The following UBE2W variants were observed in gnomAD, a reference collection of about 807,000 sequenced individuals.
UBE2W encodes the protein ubiquitin-conjugating enzyme E2 W.
Under a neutral mutation model 27.2 loss-of-function variants are expected in UBE2W, and 18 were observed. The observed-to-expected ratio is 0.66, with a 90% CI of 0.46 to 0.98. The LOEUF (loss-of-function observed/expected upper bound fraction) is 0.98. Among genes scored for constraint, UBE2W ranks in the 50% least tolerant of loss-of-function variants. The probability of loss-of-function intolerance (pLI) is 0.00; values close to 1 mark genes in which losing one functional copy is unlikely to be tolerated. For synonymous variants in UBE2W, 53 were observed against 57.2 expected, an observed-to-expected ratio of 0.93 and a Z score of 0.33; for missense variants, 90 against 180.2, an observed-to-expected ratio of 0.50 and a Z score of 2.87.
intron 3 of UBE2W, among the ~76,000 whole-genome samples, chr8:73,822,752 C>T (rs1809677317): frequency 6.6e-6 from 1 of 152,000 alleles, no homozygotes; most frequent in Non-Finnish European, 1.5e-5. Flanking sequence ...CCACTGCACT[C>T]CAACCTGGGT....
rs1454063686 is a variant in UBE2W at position 73,853,090 on chromosome 8, A to G, written c.16-22618T>C. 2.6e-5 allele frequency among the ~76,000 whole-genome samples: 4 copies of G among 152,166 alleles called. No homozygotes were observed. The South Asian group carries it at 6.2e-4, about 24-fold the overall frequency. ...AAACTGGTGAATGGGATTAGTGCCT[A>G]TAAGAAGGCAGAGAGCTAATTTGCC... On this transcript the variant is annotated intron_variant, in intron 1 of 5. Transcript: ENST00000602593.
chr8:73,866,302 T>A (rs1288886631), intron 1 of UBE2W, among the ~76,000 whole-genome samples: 35 of 128,892 alleles, frequency 2.7e-4, no homozygotes, highest in African/African-American at 9.9e-4. Context: ...TATATATATA[T>A]ATATATATAT....
chr8:73,869,173 C>T (rs1272093616), intron 1 of UBE2W, among the ~76,000 whole-genome samples: 1 of 152,162 alleles, frequency 6.6e-6, no homozygotes, highest in Non-Finnish European at 1.5e-5. Flanking sequence ...GGCCAGTCAT[C>T]GCAACACTTT....
Position 73,830,409 on chromosome 8 carries a change from C to A in UBE2W, c.79G>T (p.Glu27Ter), listed in dbSNP as rs1810023854. The A allele has an allele frequency of 6.2e-7, 1 of 1,613,656 alleles. No individual in the cohort carries two copies. The highest frequency in any genetic ancestry group is 1.3e-5 in the African/African-American group (1 of 74,926). Residue 27 changes from glutamate to a stop codon, truncating the protein, a stop_gained, in exon 2 of 6, where the codon GAG (glutamate) becomes TAG (stop). Transcript: ENST00000602593. LOFTEE classifies it high-confidence loss of function. ...GTAATTGAATTTTGAACACTCTTCT[C>A]ATTTAAGGTCATTCCAGGAGGTGGG... ...NDPPPGMTLN[E>*]KSVQNSITQW...
intron 1 of UBE2W, among the ~76,000 whole-genome samples, chr8:73,847,606 A>G (rs1481803320): frequency 6.7e-6 from 1 of 149,652 alleles, no homozygotes; most frequent in Non-Finnish European, 1.5e-5. Context: ...TCAACGGTAA[A>G]ACGGGTATAT....
In UBE2W at chr8:73,786,907, T is replaced by C. The variant is rs1807980635; in HGVS notation, c.*7195A>G. 1 of 985,438 alleles carries C rather than the reference T, an allele frequency of 1.0e-6. No individual in the cohort carries two copies. The highest frequency in any genetic ancestry group is 4.7e-5 in the South Asian group (1 of 21,278). The allele number at this position is 985,438 out of a possible 1,614,324, so 61.0% of individuals were successfully genotyped here. A position where few individuals can be genotyped will look rare whatever the true frequency, so the allele number is the denominator to read the frequency against. On this transcript the variant is annotated 3_prime_UTR_variant, in exon 6 of 6. Transcript: ENST00000602593. ...AAAGAAATATGTTTTCATTGAGGTA[T>C]GGAAACATAAAATTTTAATGTTGAA... is the stretch of plus-strand genomic sequence containing the variant.
chr8:73,843,140 G>T (rs955261543), intron 1 of UBE2W, among the ~76,000 whole-genome samples: 13 of 152,248 alleles, frequency 8.5e-5, no homozygotes, highest in African/African-American at 3.1e-4. Context: ...CTGTAGAGAT[G>T]GAAGGTAAGC....
At chr8:73,803,086 G>A (rs996552327) in intron 5 of UBE2W, among the ~76,000 whole-genome samples, 4 of 150,996 alleles carry the variant, frequency 2.6e-5, no homozygotes, top group Non-Finnish European at 5.9e-5. Flanking sequence ...GCATGGTGGC[G>A]CGCCTGTAAT....
At chr8:73,826,026 C>T (rs1479487502) in intron 2 of UBE2W, among the ~76,000 whole-genome samples, 1 of 151,990 alleles carries the variant, frequency 6.6e-6, no homozygotes. Context: ...AGCTGTCAGA[C>T]TTATTTTTTT....
chr8:73,791,820 C>G lies in UBE2W; in HGVS notation c.*2282G>C. The G allele has an allele frequency of 1.0e-6, 1 of 984,602 alleles. No individual in the cohort carries two copies. Among genetic ancestry groups the G allele is most frequent in the Non-Finnish European group, 1.2e-6 (1 of 829,262 alleles). 61.0% of individuals were successfully genotyped at this position (984,602 alleles called of 1,614,324 possible). On this transcript the variant is annotated 3_prime_UTR_variant, in exon 6 of 6. Coordinates refer to ENST00000602593, the MANE Select transcript of UBE2W (RefSeq NM_018299.6). Reference sequence around the variant, plus strand: ...TGTACCGAAATTATTTCATTTTCCTCTACTTTCCTCTGTGTCATTTTAGTT... The same window carrying G: ...TGTACCGAAATTATTTCATTTTCCTGTACTTTCCTCTGTGTCATTTTAGTT...
intron 1 of UBE2W, among the ~76,000 whole-genome samples, chr8:73,851,214 CTT>C (rs1487235523): frequency 1.2e-4 from 18 of 149,376 alleles, no homozygotes; most frequent in African/African-American, 3.7e-4. Flanking sequence ...TTTTGACACT[CTT>C]AAATTTGATT....
chr8:73,864,765 G>T, intron 1 of UBE2W, among the ~76,000 whole-genome samples: 1 of 130,780 alleles, frequency 7.6e-6, no homozygotes. Context: ...GGGGGGGGCG[G>T]GGGGGGCTGA....
intron 1 of UBE2W, among the ~76,000 whole-genome samples, chr8:73,840,026 C>A (rs906606626): frequency 6.7e-6 from 1 of 149,238 alleles, no homozygotes; most frequent in Non-Finnish European, 1.5e-5. Context: ...GTTGAGCCAC[C>A]GTGCCTGGCC....
At chr8:73,809,631 G>GCTA (rs1425187997) in intron 4 of UBE2W, among the ~76,000 whole-genome samples, 3 of 152,056 alleles carry the variant, frequency 2.0e-5, no homozygotes, top group Non-Finnish European at 4.4e-5. Context: ...TGTCACCCAG[G>GCTA]CTGTAGTGTA....
chr8:73,803,787 G>A (rs1235331837), intron 5 of UBE2W, among the ~76,000 whole-genome samples: 1 of 139,494 alleles, frequency 7.2e-6, no homozygotes, highest in Non-Finnish European at 1.5e-5. Context: ...TTTTTTTTGA[G>A]ACGGAGGCTT....
intron 1 of UBE2W, among the ~76,000 whole-genome samples, chr8:73,869,771 G>A (rs796671981): frequency 6.6e-6 from 1 of 152,180 alleles, no homozygotes; most frequent in African/African-American, 2.4e-5. Context: ...GGCTGAGGCA[G>A]GAGGATCACT....
chr8:73,795,069 G>A (rs1389190474), intron 5 of UBE2W, among the ~76,000 whole-genome samples: 1 of 152,140 alleles, frequency 6.6e-6, no homozygotes, highest in Non-Finnish European at 1.5e-5. Flanking sequence ...CTGAGGATGA[G>A]TTATTCTTCA....
At chr8:73,821,911 A>G (rs796923315) in intron 3 of UBE2W, among the ~76,000 whole-genome samples, 7 of 152,198 alleles carry the variant, frequency 4.6e-5, no homozygotes, top group African/African-American at 1.7e-4. Flanking sequence ...CCTTTTCAAA[A>G]CTATCAAGCA....
intron 3 of UBE2W, among the ~76,000 whole-genome samples, chr8:73,820,655 T>C (rs1001486449): frequency 3.3e-5 from 5 of 151,918 alleles, no homozygotes; most frequent in African/African-American, 1.2e-4. Context: ...GGTGGGAGAA[T>C]GGTTTAAGCC....
Sources: allele counts gnomAD v4.1 joint callset (sites outside exome capture counted in the v4.1 genomes callset), GRCh38; gene constraint gnomAD v4.1.1; transcripts MANE v1.5; gene names NCBI Gene and HGNC (gene_info 2026-07-23, HGNC 2026-07-21).